CDK7: variants seen among roughly 807,000 people sequenced by gnomAD.
CDK7 encodes the protein cyclin dependent kinase 7.
A neutral mutation model predicts 49.1 loss-of-function variants in CDK7; 25 were observed. That is an observed-to-expected ratio of 0.51 (90% CI 0.37 to 0.71). The LOEUF (loss-of-function observed/expected upper bound fraction) is 0.71, where lower values mean the gene tolerates loss of function less well. CDK7 is among the 30% of genes least tolerant of loss of function. The pLI, the probability that CDK7 is intolerant of heterozygous loss-of-function variation, is 0.00. For synonymous variants in CDK7, 107 were observed against 140.0 expected (o/e 0.76, Z 1.67); for missense variants, 316 against 411.7 (o/e 0.77, Z 2.01).
In CDK7 at chr5:69,275,536, T is replaced by C. The variant is rs945893876; in HGVS notation, c.865-1007T>C. 7.2e-5 allele frequency among the ~76,000 whole-genome samples: 11 copies of C among 152,244 alleles called. No homozygotes were observed. The East Asian group carries it at 1.2e-3, about 16-fold the overall frequency. Reference sequence around the variant, plus strand: ...AGGTTGAGCATCCTTAATCCAAATATCCGAAATCTGAAATGCTCCAAAATC... The same window carrying C: ...AGGTTGAGCATCCTTAATCCAAATACCCGAAATCTGAAATGCTCCAAAATC... On this transcript the variant is annotated intron_variant, in intron 10 of 11. Coordinates refer to ENST00000256443, the MANE Select transcript of CDK7 (RefSeq NM_001799.4).
intron 2 of CDK7, among the ~76,000 whole-genome samples, chr5:69,240,735 C>G (rs977505416): frequency 2.0e-5 from 3 of 152,190 alleles, no homozygotes; most frequent in African/African-American, 7.2e-5. Context: ...TCAAGCAGTT[C>G]TCCTGCCTCA....
chr5:69,264,970 T>TA (rs1173324629), intron 8 of CDK7, among the ~76,000 whole-genome samples: 1,843 of 118,734 alleles, frequency 0.016, 36 homozygotes, highest in African/African-American at 0.055. Flanking sequence ...AAATTCCGTC[T>TA]AAAAAAAAAA....
At chr5:69,276,155 A>AG (rs1752115829) in intron 10 of CDK7, among the ~76,000 whole-genome samples, 1 of 152,090 alleles carries the variant, frequency 6.6e-6, no homozygotes, top group South Asian at 2.1e-4. Context: ...CAGCCTCCCG[A>AG]GTAGTGGGGA....
At position 69,259,804 on chromosome 5, in the gene CDK7, C is replaced by G; in HGVS notation, c.409-14C>G. On this transcript the variant is annotated splice_polypyrimidine_tract_variant and intron_variant, in intron 6 of 11. Transcript: ENST00000256443. ...ACCCTGCTTATTTGTTTGTTTAAAA[C>G]TTCCGTCATATAGGATCTGAAACCA... 6.4e-7 allele frequency: 1 copy of G among 1,567,922 alleles called. No homozygotes were observed.
rs747017456 is a variant in CDK7, at chr5:69,276,516, T to C, written c.865-27T>C. 1.9e-6 allele frequency: 3 copies of C among 1,607,868 alleles called. No homozygotes were observed. The South Asian group carries it at 3.3e-5, about 18-fold the overall frequency. ...ACACATTTCAGATACTCACCTACCTTACTTTTGGTATCTTTTCTTTTAAAA... is the reference window on the plus strand; with the variant it reads ...ACACATTTCAGATACTCACCTACCTCACTTTTGGTATCTTTTCTTTTAAAA... On this transcript the variant is annotated intron_variant, in intron 10 of 11. Coordinates refer to ENST00000256443, the MANE Select transcript of CDK7 (RefSeq NM_001799.4).
rs1450793266 is a variant in CDK7 at position 69,258,150 on chromosome 5, T to C, written c.405T>C (p.His135=). Residue 135 remains histidine, a synonymous_variant, in exon 6 of 12, where the codon CAT becomes CAC. Coordinates refer to ENST00000256443, the MANE Select transcript of CDK7 (RefSeq NM_001799.4). ...ATTTACATCAACATTGGATCCTACA[T>C]AGGGTAAGGTTTTTAATATTGCTTC... The part of the protein sequence containing the change: ...LEYLHQHWIL[H]RDLKPNNLLL... The C allele has an allele frequency of 2.8e-6, 4 of 1,447,204 alleles. No homozygotes were observed. Among genetic ancestry groups the C allele is most frequent in the African/African-American group, 2.9e-5 (2 of 70,104 alleles). The allele number at this position is 1,447,204 out of a possible 1,614,324, so 89.6% of individuals were successfully genotyped here. A position where few individuals can be genotyped will look rare whatever the true frequency, so the allele number is the denominator to read the frequency against.
intron 10 of CDK7, among the ~76,000 whole-genome samples, chr5:69,274,246 TATTA>T (rs2150240416): frequency 1.3e-5 from 2 of 152,362 alleles, no homozygotes; most frequent in Non-Finnish European, 2.9e-5. Flanking sequence ...TGGATGTCTT[TATTA>T]AAGTTGGAAT....
At chr5:69,244,667 G>A (rs544605886) in intron 2 of CDK7, among the ~76,000 whole-genome samples, 9 of 147,854 alleles carry the variant, frequency 6.1e-5, no homozygotes, top group African/African-American at 1.2e-4. Context: ...AGATCATATC[G>A]TCTACAAACA....
At chr5:69,254,471 G>A (rs1034752504) in intron 3 of CDK7, 131 bp from the exon 4 acceptor site, 7 of 487,282 alleles carry the variant, frequency 1.4e-5, no homozygotes, top group East Asian at 1.3e-4. Context: ...GCAGTGAGCC[G>A]AGATCACGCC....
intron 3 of CDK7, 71 bp downstream of exon 3, chr5:69,252,522 TTTA>T: frequency 1.1e-5 from 7 of 621,148 alleles, no homozygotes; most frequent in South Asian, 4.1e-5. Flanking sequence ...TTTTTTTTTT[TTTA>T]AAAAGACAGG....
intron 7 of CDK7, among the ~76,000 whole-genome samples, chr5:69,260,707 C>G (rs936614057): frequency 2.0e-5 from 3 of 152,162 alleles, no homozygotes; most frequent in Admixed American, 2.0e-4. Flanking sequence ...TGTGAAAAAA[C>G]AGAAAATCAC....
At chr5:69,276,458 C>A in intron 10 of CDK7, 85 bp from the exon 11 acceptor site, 1 of 1,196,658 alleles carries the variant, frequency 8.4e-7, no homozygotes, top group Non-Finnish European at 1.2e-6. Context: ...ATTTTTAATG[C>A]TCCCTATAAT....
At chr5:69,256,665 C>T (rs1344380173) in intron 5 of CDK7, among the ~76,000 whole-genome samples, 1 of 152,026 alleles carries the variant, frequency 6.6e-6, no homozygotes, top group African/African-American at 2.4e-5. Flanking sequence ...AAATACCTAG[C>T]AGTGGTATTG....
chr5:69,254,382 C>T (rs1041132445), intron 3 of CDK7, among the ~76,000 whole-genome samples: 13 of 151,732 alleles, frequency 8.6e-5, no homozygotes, highest in South Asian at 2.1e-4. Context: ...ATTAGCCGGG[C>T]GTGGTGGCGC....
chr5:69,252,721 C>T (rs1580297852), intron 3 of CDK7, among the ~76,000 whole-genome samples: 3 of 152,018 alleles, frequency 2.0e-5, no homozygotes, highest in South Asian at 2.1e-4. Flanking sequence ...GTTGCTCAGG[C>T]TTCTCTCAAA....
At chr5:69,270,466 C>T (rs1168344536) in intron 9 of CDK7, among the ~76,000 whole-genome samples, 1 of 152,090 alleles carries the variant, frequency 6.6e-6, no homozygotes, top group Non-Finnish European at 1.5e-5. Flanking sequence ...AATAGTAATA[C>T]TACAGACATA....
At chr5:69,250,655 C>T (rs1465356428) in intron 2 of CDK7, 3 of 454,552 alleles carry the variant, frequency 6.6e-6, no homozygotes, top group Admixed American at 4.7e-5. Flanking sequence ...CCTAGTAGCC[C>T]ACCTGGTGCT....
At chr5:69,245,906 T>TC (rs1486506514) in intron 2 of CDK7, among the ~76,000 whole-genome samples, 3 of 152,178 alleles carry the variant, frequency 2.0e-5, no homozygotes, top group African/African-American at 4.8e-5. Flanking sequence ...TCCCCTTTTT[T>TC]CACATCTGTT....
intron 8 of CDK7, among the ~76,000 whole-genome samples, chr5:69,267,784 A>T (rs1751259566): frequency 1.3e-5 from 2 of 152,166 alleles, no homozygotes. Flanking sequence ...TCATTTTTAC[A>T]TCATACAAAA....
Sources: gnomAD v4.1 joint callset for allele counts (sites outside exome capture counted in the v4.1 genomes callset) on GRCh38, gnomAD v4.1.1 for gene constraint, MANE v1.5 for transcripts, NCBI Gene and HGNC (gene_info 2026-07-23, HGNC 2026-07-21) for gene names.